Variants in STK39 observed in about 807,000 individuals in gnomAD.
The protein encoded by STK39 is STE20/SPS1-related proline-alanine-rich protein kinase.
Under a neutral mutation model 77.8 loss-of-function variants are expected in STK39, and 20 were observed. The ratio of observed to expected loss-of-function variants is 0.26; its 90% CI spans 0.18 to 0.37. The LOEUF (loss-of-function observed/expected upper bound fraction) is 0.37. Ranked by LOEUF, STK39 falls within the 10% of genes least tolerant of loss-of-function variation. The pLI, the probability that STK39 is intolerant of heterozygous loss-of-function variation, is 1.00. For missense variants in STK39, 479 were observed against 656.5 expected (o/e 0.73, Z 2.95); for synonymous variants, 246 against 234.1 (o/e 1.05, Z -0.47).
intron 14 of STK39, among the ~76,000 whole-genome samples, chr2:168,037,608 C>T (rs1229016821): frequency 6.6e-6 from 1 of 152,042 alleles, no homozygotes; most frequent in African/African-American, 2.4e-5. Context: ...AGATGCAATC[C>T]TAAGTGTAAA....
intron 16 of STK39, among the ~76,000 whole-genome samples, chr2:167,984,443 G>C (rs1301424927): frequency 6.6e-6 from 1 of 152,188 alleles, no homozygotes; most frequent in Non-Finnish European, 1.5e-5. Flanking sequence ...GAGCATGTGA[G>C]ACACAGAGCA....
At chr2:168,189,983 T>C (rs1235164564) in intron 1 of STK39, among the ~76,000 whole-genome samples, 2 of 152,216 alleles carry the variant, frequency 1.3e-5, no homozygotes, top group Non-Finnish European at 2.9e-5. Context: ...CCGCCCGAGC[T>C]ATGAATGAAT....
chr2:167,955,681 T>G (rs1200574496), intron 17 of STK39, 111 bp from the exon 18 acceptor site: 6 of 987,562 alleles, frequency 6.1e-6, no homozygotes, highest in Non-Finnish European at 9.1e-6. Context: ...TATGGGACCA[T>G]GTGTCCCATT....
chr2:167,980,808 T>G (rs1683397684), intron 16 of STK39, among the ~76,000 whole-genome samples: 1 of 151,978 alleles, frequency 6.6e-6, no homozygotes, highest in South Asian at 2.1e-4. Flanking sequence ...AGTAAAGGTT[T>G]TATCTTCATT....
chr2:168,095,741 T>C (rs755811828), intron 10 of STK39, among the ~76,000 whole-genome samples: 2 of 151,378 alleles, frequency 1.3e-5, no homozygotes, highest in Non-Finnish European at 2.9e-5. Context: ...ATTATCCTGC[T>C]TCAGCCTCCC....
chr2:168,043,625 C>T (rs10930304), intron 14 of STK39, among the ~76,000 whole-genome samples: 74,959 of 152,090 alleles, frequency 0.49, 19,371 homozygotes, highest in Non-Finnish European at 0.56. Flanking sequence ...AGAAGTACAA[C>T]ACAGGCACAA....
intron 8 of STK39, among the ~76,000 whole-genome samples, chr2:168,133,610 T>G (rs1191424687): frequency 1.3e-5 from 2 of 152,058 alleles, no homozygotes; most frequent in East Asian, 3.9e-4. Context: ...CTCACACCTG[T>G]AATCCCAGCA....
At chr2:168,240,638 A>C (rs1464659964) in intron 1 of STK39, among the ~76,000 whole-genome samples, 1 of 152,238 alleles carries the variant, frequency 6.6e-6, no homozygotes, top group Admixed American at 6.5e-5. Flanking sequence ...AATATAGAAG[A>C]AACAAGATTA....
At chr2:168,041,036 G>A (rs1190132598) in intron 14 of STK39, among the ~76,000 whole-genome samples, 3 of 152,150 alleles carry the variant, frequency 2.0e-5, no homozygotes, top group Non-Finnish European at 2.9e-5. Context: ...GGAACATAGA[G>A]AAGTAAACAA....
At chr2:168,231,431 A>T (rs1690452687) in intron 1 of STK39, among the ~76,000 whole-genome samples, 1 of 151,952 alleles carries the variant, frequency 6.6e-6, no homozygotes, top group East Asian at 1.9e-4. Flanking sequence ...CACAAGTGTT[A>T]AAAGATGTTA....
Position 168,010,408 on chromosome 2 carries a change from TAGAC to T in STK39, c.1498+2222_1498+2225del, listed in dbSNP as rs1178831781. On this transcript the variant is annotated intron_variant, in intron 16 of 17. Coordinates refer to ENST00000355999, the MANE Select transcript of STK39 (RefSeq NM_013233.3). ...TTGGTAGGTGAACATAATGAATTCTTAGACAGAATTTAAAGTAGACCCCAAAGTT... is the reference window on the plus strand; with the variant it reads ...TTGGTAGGTGAACATAATGAATTCTTAGAATTTAAAGTAGACCCCAAAGTT... Among the ~76,000 whole-genome samples the T allele has an allele frequency of 2.0e-5, 3 of 152,242 alleles. No individual in the cohort carries two copies. The East Asian group carries it at 5.8e-4, about 29-fold the overall frequency.
chr2:168,101,250 A>C (rs1686816342), intron 10 of STK39, among the ~76,000 whole-genome samples: 1 of 152,182 alleles, frequency 6.6e-6, no homozygotes, highest in South Asian at 2.1e-4. Context: ...AGAAATACCT[A>C]ATGTAGATGA....
intron 17 of STK39, chr2:167,964,228 A>C (rs1692083129): frequency 6.3e-6 from 1 of 158,760 alleles, no homozygotes; most frequent in South Asian, 1.8e-4. Context: ...GTTGTTCTAC[A>C]ATTGCTTCCA....
At chr2:168,007,692 T>G (rs1357852229) in intron 16 of STK39, among the ~76,000 whole-genome samples, 1 of 151,404 alleles carries the variant, frequency 6.6e-6, no homozygotes, top group African/African-American at 2.4e-5. Context: ...AAAGAAGGAG[T>G]GTCCTGGAAG....
intron 10 of STK39, among the ~76,000 whole-genome samples, chr2:168,090,001 AGTAAT>A (rs1686474198): frequency 1.3e-5 from 2 of 152,244 alleles, no homozygotes; most frequent in Admixed American, 6.5e-5. Flanking sequence ...TTGAATGCAT[AGTAAT>A]GTAAAGATAT....
In STK39 at chr2:168,171,367, T is replaced by C. The variant is rs1352596463; in HGVS notation, c.322-3960A>G. 2.0e-5 allele frequency among the ~76,000 whole-genome samples: 3 copies of C among 151,176 alleles called. No homozygotes were observed. In the East Asian group the frequency reaches 5.9e-4, roughly 30 times the overall value. ...AAACCAGACATTACGCGCGTCATGC[T>C]AGGTGTGGTGAGGAATACAAAATAA... On this transcript the variant is annotated intron_variant, in intron 2 of 17. Transcript: ENST00000355999.
intron 1 of STK39, among the ~76,000 whole-genome samples, chr2:168,217,964 A>G (rs1278733782): frequency 6.6e-6 from 1 of 152,240 alleles, no homozygotes; most frequent in Non-Finnish European, 1.5e-5. Flanking sequence ...CCATGTTATC[A>G]TGATTTAGAC....
chr2:168,131,435 G>A (rs1369932839), intron 8 of STK39, among the ~76,000 whole-genome samples: 2 of 152,130 alleles, frequency 1.3e-5, no homozygotes, highest in Non-Finnish European at 2.9e-5. Context: ...GACAAAATTG[G>A]AAACTGCTGC....
chr2:168,038,086 T>C (rs1332207460), intron 14 of STK39, among the ~76,000 whole-genome samples: 1 of 152,064 alleles, frequency 6.6e-6, no homozygotes, highest in Non-Finnish European at 1.5e-5. Flanking sequence ...ATCTGAAACA[T>C]TTGGAGAAAT....
Sources: gnomAD v4.1 joint callset for allele counts (sites outside exome capture counted in the v4.1 genomes callset) on GRCh38, gnomAD v4.1.1 for gene constraint, MANE v1.5 for transcripts, NCBI Gene and HGNC (gene_info 2026-07-23, HGNC 2026-07-21) for gene names.